Variants in NXN observed in about 807,000 individuals in gnomAD.
NXN encodes nucleoredoxin.
Under a neutral mutation model 48.6 loss-of-function variants are expected in NXN, and 16 were observed. That is an observed-to-expected ratio of 0.33 (90% confidence interval 0.22 to 0.50). The LOEUF (loss-of-function observed/expected upper bound fraction) is 0.50. NXN is among the 20% of genes least tolerant of loss of function. The pLI is 0.98. For synonymous variants in NXN, 281 were observed against 269.6 expected, an observed-to-expected ratio of 1.04 and a Z score of -0.41; for missense variants, 492 against 605.5, an observed-to-expected ratio of 0.81 and a Z score of 1.97.
chr17:919,599 G>A lies in NXN; in HGVS notation c.360+59720C>T, dbSNP rs371714725. Among the ~76,000 whole-genome samples the A allele has an allele frequency of 7.2e-5, 11 of 152,140 alleles. No individual in the cohort carries two copies. Among genetic ancestry groups the A allele is most frequent in the Admixed American group, 4.6e-4 (7 of 15,252 alleles). On this transcript the variant is annotated intron_variant, in intron 1 of 7. Transcript: ENST00000336868. This position sits in a 1 kb window ranked among gnomAD's most constrained non-coding sequence, Gnocchi z 5.1. ...TATCGTGGGTTACAGAACCTACGTC[G>A]TCCTCGGAATCCCCGCATTCGTCCC... is the stretch of plus-strand genomic sequence containing the variant.
chr17:910,283 G>A (rs1376885406), intron 1 of NXN, among the ~76,000 whole-genome samples: 2 of 152,076 alleles, frequency 1.3e-5, no homozygotes, highest in African/African-American at 2.4e-5. Flanking sequence ...GTGGTGGCGG[G>A]CACTTGTAAT....
chr17:860,722 A>G (rs918974006), intron 1 of NXN, among the ~76,000 whole-genome samples: 1 of 152,282 alleles, frequency 6.6e-6, no homozygotes, highest in African/African-American at 2.4e-5. Flanking sequence ...GAACCTCGTA[A>G]ACATTTTACT....
rs1214768484 is a variant in NXN at position 830,015 on chromosome 17, T to A, written c.361-3937A>T. Among the ~76,000 whole-genome samples, 1 of 152,062 alleles carries A rather than the reference T, an allele frequency of 6.6e-6. No individual in the cohort carries two copies. Among genetic ancestry groups the A allele is most frequent in the Non-Finnish European group, 1.5e-5 (1 of 68,000 alleles). Reference sequence around the variant, plus strand: ...AATGGGATTGCTGGGTCAAATGGTGTTTTTGGTTCTAGATCCCTGAGGAAT... The same window carrying A: ...AATGGGATTGCTGGGTCAAATGGTGATTTTGGTTCTAGATCCCTGAGGAAT... On this transcript the variant is annotated intron_variant, in intron 1 of 7. Coordinates refer to ENST00000336868, the MANE Select transcript of NXN (RefSeq NM_022463.5). The surrounding 1 kb of genome is among the most constrained non-coding windows in gnomAD (Gnocchi z 4.2).
chr17:885,703 G>C (rs1174088801), intron 1 of NXN, among the ~76,000 whole-genome samples: 1 of 71,528 alleles, frequency 1.4e-5, no homozygotes, highest in South Asian at 5.3e-4. Flanking sequence ...TTTTTTTTGA[G>C]ACAGAGTCGC....
chr17:848,490 T>TA (rs1214531952), intron 1 of NXN, among the ~76,000 whole-genome samples: 2 of 152,212 alleles, frequency 1.3e-5, no homozygotes, highest in Non-Finnish European at 2.9e-5. Context: ...GAGCAGGATT[T>TA]AAAAAATAGT....
chr17:906,440 C>T (rs2068581745), intron 1 of NXN, among the ~76,000 whole-genome samples: 1 of 152,134 alleles, frequency 6.6e-6, no homozygotes, highest in African/African-American at 2.4e-5. Context: ...GTCACTTAAC[C>T]TTCTTGAGCT....
intron 1 of NXN, among the ~76,000 whole-genome samples, chr17:826,912 C>A (rs539970359): frequency 6.6e-6 from 1 of 152,356 alleles, no homozygotes; most frequent in Admixed American, 6.5e-5. Context: ...AATGCAAAGC[C>A]CAGGGCTGGA....
intron 5 of NXN, among the ~76,000 whole-genome samples, chr17:809,567 T>C (rs1911788753): frequency 6.6e-6 from 1 of 152,058 alleles, no homozygotes; most frequent in Non-Finnish European, 1.5e-5. Flanking sequence ...CTTCTCTGCA[T>C]CTGGATGGCA....
intron 1 of NXN, among the ~76,000 whole-genome samples, chr17:931,220 G>C (rs768886527): frequency 3.3e-5 from 5 of 151,344 alleles, no homozygotes; most frequent in Admixed American, 2.6e-4. Context: ...CTAGCAAGTC[G>C]AGGCTGCAGT....
Position 919,161 on chromosome 17 carries a change from G to C in NXN, c.360+60158C>G, listed in dbSNP as rs967998387. Among the ~76,000 whole-genome samples the C allele has an allele frequency of 5.9e-5, 9 of 152,012 alleles. No homozygotes were observed. The highest frequency in any genetic ancestry group is 2.1e-4 in the South Asian group (1 of 4,828). Reference sequence around the variant, plus strand: ...GGGTGGATCACGAGGTCAGGAGATCGAGACCATCCTGGCTAACATGGTGAA... The same window carrying C: ...GGGTGGATCACGAGGTCAGGAGATCCAGACCATCCTGGCTAACATGGTGAA... On this transcript the variant is annotated intron_variant, in intron 1 of 7. Transcript: ENST00000336868. This position sits in a 1 kb window ranked among gnomAD's most constrained non-coding sequence, Gnocchi z 5.1.
chr17:872,399 A>C (rs569980339), intron 1 of NXN, among the ~76,000 whole-genome samples: 1 of 152,042 alleles, frequency 6.6e-6, no homozygotes, highest in Admixed American at 6.6e-5. Flanking sequence ...AGAGAAACAC[A>C]TCAACGACAA....
At chr17:892,191 C>G (rs963983747) in intron 1 of NXN, among the ~76,000 whole-genome samples, 2 of 146,500 alleles carry the variant, frequency 1.4e-5, no homozygotes, top group Non-Finnish European at 3.0e-5. Flanking sequence ...TACAGCCCAA[C>G]AGGGAACTAA....
intron 1 of NXN, among the ~76,000 whole-genome samples, chr17:966,009 G>A (rs1046957552): frequency 1.3e-5 from 2 of 151,786 alleles, no homozygotes; most frequent in South Asian, 2.1e-4. Context: ...CCAGCTACTC[G>A]AGAGGCTGAG....
In NXN at chr17:943,863, G is replaced by A. The variant is rs2069011219; in HGVS notation, c.360+35456C>T. On this transcript the variant is annotated intron_variant, in intron 1 of 7. Coordinates refer to ENST00000336868, the MANE Select transcript of NXN (RefSeq NM_022463.5). Reference sequence around the variant, plus strand: ...AAAAATGGTGAAGACAGTAAATTATGTTATGTATATTCTACCACAATTCTT... The same window carrying A: ...AAAAATGGTGAAGACAGTAAATTATATTATGTATATTCTACCACAATTCTT... 2.0e-5 allele frequency among the ~76,000 whole-genome samples: 3 copies of A among 151,674 alleles called. No individual in the cohort carries two copies. In the South Asian group the frequency reaches 6.3e-4, roughly 32 times the overall value.
intron 1 of NXN, among the ~76,000 whole-genome samples, chr17:908,283 T>A (rs964735593): frequency 1.3e-5 from 2 of 152,046 alleles, no homozygotes; most frequent in African/African-American, 4.8e-5. Context: ...CACGCCTGTA[T>A]TCCCAGCACT....
At chr17:895,800 G>GACAGAGCGAAAC (rs1327841147) in intron 1 of NXN, among the ~76,000 whole-genome samples, 1 of 147,226 alleles carries the variant, frequency 6.8e-6, no homozygotes, top group Admixed American at 6.7e-5. Flanking sequence ...CCTGGGTTTT[G>GACAGAGCGAAAC]TTTGTCTCAA....
At chr17:853,725 T>TATATATATATATATATATATATA (rs1244981485) in intron 1 of NXN, among the ~76,000 whole-genome samples, 1 of 85,946 alleles carries the variant, frequency 1.2e-5, no homozygotes, top group African/African-American at 5.7e-5. Context: ...ATATATATAT[T>TATATATATATATATATATATATA]TTTTTTTTTT....
intron 1 of NXN, among the ~76,000 whole-genome samples, chr17:955,740 AAT>A (rs1396118227): frequency 6.6e-6 from 1 of 151,638 alleles, no homozygotes; most frequent in Admixed American, 6.6e-5. Context: ...ACTAAAAAAA[AAT>A]ACAAAAAAAA....
intron 1 of NXN, among the ~76,000 whole-genome samples, chr17:950,231 C>T (rs904982963): frequency 1.3e-5 from 2 of 152,068 alleles, no homozygotes; most frequent in Admixed American, 6.6e-5. Context: ...GGTGCCTGTT[C>T]GCCCCTTTCC....
Sources: gnomAD v4.1 joint callset for allele counts (sites outside exome capture counted in the v4.1 genomes callset) on GRCh38, gnomAD v4.1.1 for gene constraint, Gnocchi (gnomAD v3.1) non-coding constraint, MANE v1.5 for transcripts, NCBI Gene and HGNC (gene_info 2026-07-23, HGNC 2026-07-21) for gene names.